UGGT2: variants seen among roughly 807,000 people sequenced by gnomAD.
UGGT2 encodes the protein UDP-glucose:glycoprotein glucosyltransferase 2.
A neutral mutation model predicts 192.1 loss-of-function variants in UGGT2; 180 were observed. The observed-to-expected ratio is 0.94, with a 90% confidence interval of 0.83 to 1.06. UGGT2 has a LOEUF of 1.06. UGGT2 is among the 50% of genes least tolerant of loss of function. The pLI, the probability that UGGT2 is intolerant of heterozygous loss-of-function variation, is 0.00. For synonymous variants in UGGT2, 580 were observed against 591.0 expected, an observed-to-expected ratio of 0.98 and a Z score of 0.27; for missense variants, 1,849 against 1,795.7, an observed-to-expected ratio of 1.03 and a Z score of -0.54.
chr13:96,053,335 T>A lies in UGGT2; in HGVS notation c.-23A>T, dbSNP rs1566866957. 6.3e-7 allele frequency: 1 copy of A among 1,577,270 alleles called. No individual in the cohort carries two copies. The highest frequency in any genetic ancestry group is 8.5e-7 in the Non-Finnish European group (1 of 1,171,368). ...CATGGCACGGAGAGAAAAGCGCGAGTCCCTCGGACCCGGTACCCACAGTCT... is the reference window on the plus strand; with the variant it reads ...CATGGCACGGAGAGAAAAGCGCGAGACCCTCGGACCCGGTACCCACAGTCT... On this transcript the variant is annotated 5_prime_UTR_variant, in exon 1 of 39. Coordinates refer to ENST00000376747, the MANE Select transcript of UGGT2 (RefSeq NM_020121.4).
Position 96,023,095 on chromosome 13 carries a change from T to C in UGGT2, c.430A>G (p.Lys144Glu). 6.3e-7 allele frequency: 1 copy of C among 1,595,852 alleles called. No individual in the cohort carries two copies. Among genetic ancestry groups the C allele is most frequent in the Non-Finnish European group, 8.5e-7 (1 of 1,169,842 alleles). ...GCNAFVVIHK[K>E]HTCKINEIKK... The stretch of plus-strand genomic sequence containing the variant: ...ATCTCATTAATTTTACAGGTGTGCT[T>C]CTTATGAATAACCACAAATGCATTA... Residue 144 changes from lysine (K) to glutamate (E), a missense_variant, in exon 4 of 39, where the codon AAG (lysine) becomes GAG (glutamate). Lys to Glu is a moderately conservative substitution (Grantham distance 56). Coordinates refer to ENST00000376747, the MANE Select transcript of UGGT2 (RefSeq NM_020121.4).
chr13:95,903,342 A>G (rs544057557), intron 20 of UGGT2, among the ~76,000 whole-genome samples: 35 of 152,302 alleles, frequency 2.3e-4, no homozygotes, highest in Admixed American at 7.9e-4. Flanking sequence ...AAAATACACA[A>G]AACAAAATGT....
Position 95,887,963 on chromosome 13 carries a change from G to A in UGGT2, c.2967C>T (p.Gly989=). 1 of 1,596,438 alleles carries A rather than the reference G, an allele frequency of 6.3e-7. No homozygotes were observed. Among genetic ancestry groups the A allele is most frequent in the South Asian group, 1.1e-5 (1 of 87,038 alleles). Residue 989 remains glycine (G), a synonymous_variant, in exon 26 of 39, where the codon GGC becomes GGT. Coordinates refer to ENST00000376747, the MANE Select transcript of UGGT2 (RefSeq NM_020121.4). The part of the protein sequence containing the change: ...QKMAQLLVVL[G]KIINMKIKLF... ...ACTTTATCTTCATGTTGATAATCTT[G>A]CCAAGTACCTATTGGAAAGAAATTC...
intron 20 of UGGT2, among the ~76,000 whole-genome samples, chr13:95,919,755 A>G (rs1246725406): frequency 2.0e-5 from 3 of 152,240 alleles, no homozygotes; most frequent in East Asian, 3.8e-4. Flanking sequence ...GGAAGAACGA[A>G]CATCATGAAA....
chr13:95,973,803 T>C (rs929084438), intron 10 of UGGT2, among the ~76,000 whole-genome samples: 2 of 152,216 alleles, frequency 1.3e-5, no homozygotes, highest in Non-Finnish European at 2.9e-5. Flanking sequence ...CAAATCACTT[T>C]CATAATCCTC....
At chr13:95,805,862 T>C (rs1359755163) in intron 38 of UGGT2, among the ~76,000 whole-genome samples, 1 of 152,024 alleles carries the variant, frequency 6.6e-6, no homozygotes, top group Non-Finnish European at 1.5e-5. Flanking sequence ...AATGTGAATA[T>C]ACTTAACATT....
In UGGT2 at chr13:96,045,677, TCTTA is replaced by T. The variant is rs1378725598; in HGVS notation, c.158+7474_158+7477del. 3.3e-5 allele frequency among the ~76,000 whole-genome samples: 5 copies of T among 152,292 alleles called. No homozygotes were observed. In the East Asian group the frequency reaches 9.6e-4, roughly 29 times the overall value. ...ATTAATGTACACAAATCAGTTGCTC[TCTTA>T]TATACCAACAGCGACCAAACTGAGA... On this transcript the variant is annotated intron_variant, in intron 1 of 38. Coordinates refer to ENST00000376747, the MANE Select transcript of UGGT2 (RefSeq NM_020121.4).
chr13:95,820,547 A>G (rs977548798), intron 38 of UGGT2, among the ~76,000 whole-genome samples: 1 of 152,194 alleles, frequency 6.6e-6, no homozygotes, highest in African/African-American at 2.4e-5. Context: ...CATTAGAGAC[A>G]AGACTACCAG....
At chr13:96,000,155 C>T (rs919751036) in intron 5 of UGGT2, among the ~76,000 whole-genome samples, 2 of 152,134 alleles carry the variant, frequency 1.3e-5, no homozygotes, top group African/African-American at 4.8e-5. Context: ...ACAACTTTAA[C>T]CTAGAGCTCA....
Position 95,853,554 on chromosome 13 carries a change from T to C in UGGT2, c.4273A>G (p.Asn1425Asp), listed in dbSNP as rs1889269890. 1 of 1,613,140 alleles carries C rather than the reference T, an allele frequency of 6.2e-7. No homozygotes were observed. The highest frequency in any genetic ancestry group is 8.5e-7 in the Non-Finnish European group (1 of 1,179,602). Residue 1425 changes from asparagine to aspartate, a missense_variant, in exon 36 of 39, where the codon AAC becomes GAC. Transcript: ENST00000376747. ...ALSQDPNSLS[N>D]LDQDLPNNMI... ...AACATTTTACTTACCTGATCTAGGT[T>C]TGAAAGACTGTTTGGATCTTGACTG...
At chr13:96,053,106 G>T (rs2053535218) in intron 1 of UGGT2, 49 bp downstream of exon 1, 1 of 1,425,058 alleles carries the variant, frequency 7.0e-7, no homozygotes, top group East Asian at 2.9e-5. Context: ...GCGGCTGAGG[G>T]TGGCAGCGCG....
Position 95,990,092 on chromosome 13 carries a change from T to C in UGGT2, c.831-19A>G. ...TATTTCTCTGCATCAAAATATTAAG[T>C]GATGTTAAGTAGCATCACCTATCAC... is the stretch of plus-strand genomic sequence containing the variant. On this transcript the variant is annotated intron_variant, in intron 7 of 38. Transcript: ENST00000376747. 3 of 1,535,128 alleles carry C rather than the reference T, an allele frequency of 2.0e-6. No individual in the cohort carries two copies. The highest frequency in any genetic ancestry group is 2.7e-6 in the Non-Finnish European group (3 of 1,123,890).
At chr13:95,858,194 G>A (rs1889804988) in intron 33 of UGGT2, among the ~76,000 whole-genome samples, 1 of 151,546 alleles carries the variant, frequency 6.6e-6, no homozygotes. Context: ...AGAAAAGTAT[G>A]GCCCTTCACC....
At chr13:95,884,102 C>T (rs879576456) in intron 27 of UGGT2, among the ~76,000 whole-genome samples, 1 of 97,664 alleles carries the variant, frequency 1.0e-5, no homozygotes, top group South Asian at 3.5e-4. Flanking sequence ...AACAACAAAA[C>T]AATTTTGGGT....
chr13:95,888,987 T>A lies in UGGT2; in HGVS notation c.2959-1016A>T, dbSNP rs143821163. Among the ~76,000 whole-genome samples the A allele has an allele frequency of 9.9e-4, 150 of 152,194 alleles. 2 individuals carry two copies. The East Asian group carries it at 0.028, about 28-fold the overall frequency. ...TATGCAGCATCATGTTTGACTAATT[T>A]ATTTTTTATTTTTTTAGAGACAGGG... On this transcript the variant is annotated intron_variant, in intron 25 of 38. Transcript: ENST00000376747.
rs767498248 is a variant in UGGT2, at chr13:95,948,065, G to A, written c.1472C>T (p.Pro491Leu). The A allele has an allele frequency of 1.1e-5, 18 of 1,612,000 alleles. No homozygotes were observed. The highest frequency in any genetic ancestry group is 8.0e-5 in the African/African-American group (6 of 74,750). ...AAAATCCAAGGTATATTCTTGGGCC[G>A]GATCAATAAACAGAACCTAAAAGAA... is the stretch of plus-strand genomic sequence containing the variant. ...NFHNLVLFID[P>L]AQEYTLDFIK... Residue 491 changes from proline (P) to leucine (L), a missense_variant, in exon 14 of 39, where the codon CCG becomes CTG. Transcript: ENST00000376747.
intron 36 of UGGT2, among the ~76,000 whole-genome samples, chr13:95,846,873 T>C (rs1888514970): frequency 6.6e-6 from 1 of 152,182 alleles, no homozygotes; most frequent in Admixed American, 6.5e-5. Context: ...TTGATTATTC[T>C]TTCAGTATCT....
intron 36 of UGGT2, among the ~76,000 whole-genome samples, chr13:95,852,836 G>C (rs1357099539): frequency 6.6e-6 from 1 of 152,146 alleles, no homozygotes; most frequent in Non-Finnish European, 1.5e-5. Flanking sequence ...TGGATGAAGG[G>C]AGTTTGTCTT....
intron 8 of UGGT2, among the ~76,000 whole-genome samples, chr13:95,986,959 T>C (rs374847967): frequency 1.3e-5 from 2 of 152,184 alleles, no homozygotes; most frequent in East Asian, 1.9e-4. Context: ...TGTGTGTTGC[T>C]AACTGTGGTT....
Sources: gnomAD v4.1 joint callset for allele counts (sites outside exome capture counted in the v4.1 genomes callset) on GRCh38, gnomAD v4.1.1 for gene constraint, MANE v1.5 for transcripts, NCBI Gene and HGNC (gene_info 2026-07-23, HGNC 2026-07-21) for gene names.